IL1RAPL1: variants seen among roughly 807,000 people sequenced by gnomAD.
IL1RAPL1 encodes interleukin-1 receptor accessory protein-like 1.
Under a neutral mutation model 48.4 loss-of-function variants are expected in IL1RAPL1, and 3 were observed. The observed-to-expected ratio is 0.06, with a 90% confidence interval of 0.03 to 0.16. The LOEUF (loss-of-function observed/expected upper bound fraction) is 0.16, where lower values mean the gene tolerates loss of function less well. IL1RAPL1 is among the 10% of genes least tolerant of loss of function. The pLI, the probability that IL1RAPL1 is intolerant of heterozygous loss-of-function variation, is 1.00. For missense variants in IL1RAPL1, 349 were observed against 530.6 expected (o/e 0.66, Z 3.36); for synonymous variants, 185 against 187.7 (o/e 0.99, Z 0.12).
At chrX:29,281,775 A>G (rs753967900) in intron 2 of IL1RAPL1, among the ~76,000 whole-genome samples, 165 of 112,491 alleles carry the variant, frequency 1.5e-3, no homozygotes, top group African/African-American at 5.1e-3. Context: ...ATAGTAATGA[A>G]GGGATTGGCT....
chrX:28,672,578 C>G (rs1934958415), intron 1 of IL1RAPL1, among the ~76,000 whole-genome samples: 1 of 110,928 alleles, frequency 9.0e-6, no homozygotes, highest in African/African-American at 3.3e-5. Context: ...CCCTGGCACC[C>G]TATCTAACTT....
intron 6 of IL1RAPL1, among the ~76,000 whole-genome samples, chrX:29,669,627 A>G (rs1422776817): frequency 8.9e-6 from 1 of 111,824 alleles, no homozygotes; most frequent in Non-Finnish European, 1.9e-5. Flanking sequence ...AGCACTTGAA[A>G]TGCTTATATT....
chrX:29,564,462 T>A, intron 5 of IL1RAPL1, among the ~76,000 whole-genome samples: 1 of 112,901 alleles, frequency 8.9e-6, no homozygotes, highest in Non-Finnish European at 1.9e-5. Context: ...ACAGAGAAAA[T>A]TATCATGTTC....
At chrX:29,462,837 T>C (rs1231738042) in intron 5 of IL1RAPL1, among the ~76,000 whole-genome samples, 2 of 111,809 alleles carry the variant, frequency 1.8e-5, no homozygotes, top group African/African-American at 6.5e-5. Context: ...TGTCTGTCGG[T>C]ATTTGGGGGA....
At chrX:29,306,545 A>C (rs1456566157) in intron 3 of IL1RAPL1, among the ~76,000 whole-genome samples, 1 of 100,879 alleles carries the variant, frequency 9.9e-6, no homozygotes, top group African/African-American at 3.7e-5. Flanking sequence ...AAAAAAAAAA[A>C]AAAAAAAACG....
intron 2 of IL1RAPL1, among the ~76,000 whole-genome samples, chrX:29,039,132 T>C (rs1361342706): frequency 8.9e-6 from 1 of 111,763 alleles, no homozygotes; most frequent in African/African-American, 3.2e-5. Context: ...TTGTTCAATT[T>C]GTAATTGCAT....
At chrX:29,550,336 C>T (rs1460416352) in intron 5 of IL1RAPL1, among the ~76,000 whole-genome samples, 4 of 110,833 alleles carry the variant, frequency 3.6e-5, no homozygotes, top group Admixed American at 1.9e-4. Context: ...GGACTACAGG[C>T]GCCCGCCACC....
chrX:29,530,612 A>G (rs185958495), intron 5 of IL1RAPL1, among the ~76,000 whole-genome samples: 92 of 111,852 alleles, frequency 8.2e-4, no homozygotes, highest in Non-Finnish European at 1.5e-3. Context: ...ATCATATCAG[A>G]TTCCTTTAGG....
rs1457003356 is a variant in IL1RAPL1 at position 29,197,212 on chromosome X, A to T, written c.83-85726A>T. 2.7e-5 allele frequency among the ~76,000 whole-genome samples: 3 copies of T among 112,145 alleles called. No individual in the cohort carries two copies. In the East Asian group the frequency reaches 8.3e-4, roughly 31 times the overall value. ...TGAACAAAAAATTAAGTAGAATCTG[A>T]AAGTTATCATTCTTGCTTTCTACTT... On this transcript the variant is annotated intron_variant, in intron 2 of 10. Coordinates refer to ENST00000378993, the MANE Select transcript of IL1RAPL1 (RefSeq NM_014271.4).
intron 1 of IL1RAPL1, among the ~76,000 whole-genome samples, chrX:28,745,582 G>A (rs1935965335): frequency 1.8e-5 from 2 of 109,961 alleles, no homozygotes; most frequent in Admixed American, 2.0e-4. Flanking sequence ...CAGGAGGGCA[G>A]TTCAATTTGG....
intron 5 of IL1RAPL1, among the ~76,000 whole-genome samples, chrX:29,510,415 C>T (rs1476125700): frequency 1.8e-5 from 2 of 112,297 alleles, no homozygotes; most frequent in Non-Finnish European, 3.8e-5. Flanking sequence ...TCCAATGACA[C>T]ATTATTTTAA....
intron 2 of IL1RAPL1, among the ~76,000 whole-genome samples, chrX:29,266,111 A>C (rs1044398135): frequency 1.8e-5 from 2 of 111,172 alleles, no homozygotes; most frequent in East Asian, 5.7e-4. Flanking sequence ...CCATCCCATT[A>C]CTGGGTATAT....
intron 3 of IL1RAPL1, among the ~76,000 whole-genome samples, chrX:29,319,030 T>G (rs1329576138): frequency 9.0e-6 from 1 of 111,455 alleles, no homozygotes; most frequent in Non-Finnish European, 1.9e-5. Context: ...GATATTTTAC[T>G]TTTTCCACAT....
At chrX:29,837,212 G>A (rs1456230177) in intron 6 of IL1RAPL1, among the ~76,000 whole-genome samples, 3 of 96,603 alleles carry the variant, frequency 3.1e-5, no homozygotes, top group African/African-American at 1.2e-4. Context: ...GCATTGAGCC[G>A]AGTTCGCGCC....
chrX:29,096,097 G>A (rs923123869), intron 2 of IL1RAPL1, among the ~76,000 whole-genome samples: 2 of 111,232 alleles, frequency 1.8e-5, no homozygotes, highest in Non-Finnish European at 3.8e-5. Context: ...GGACTCACAC[G>A]TAAAATAGTC....
At chrX:29,379,039 A>G (rs187415881) in intron 3 of IL1RAPL1, among the ~76,000 whole-genome samples, 1 of 112,097 alleles carries the variant, frequency 8.9e-6, no homozygotes. Flanking sequence ...CCCCCACTAG[A>G]GTGTTGCATA....
intron 1 of IL1RAPL1, among the ~76,000 whole-genome samples, chrX:28,601,481 A>G (rs943659623): frequency 1.8e-5 from 2 of 111,084 alleles, no homozygotes; most frequent in African/African-American, 6.6e-5. Flanking sequence ...CTACCAAAAA[A>G]TTATCCATTA....
At chrX:29,432,369 A>G (rs757232488) in intron 5 of IL1RAPL1, among the ~76,000 whole-genome samples, 2 of 111,619 alleles carry the variant, frequency 1.8e-5, no homozygotes, top group East Asian at 5.6e-4. Flanking sequence ...TCATCAAGCA[A>G]GATAGTACCC....
intron 2 of IL1RAPL1, among the ~76,000 whole-genome samples, chrX:28,913,578 C>A (rs927349226): frequency 2.7e-5 from 3 of 111,143 alleles, no homozygotes; most frequent in African/African-American, 9.8e-5. Context: ...CGTAGGCCAA[C>A]TATTTGGAAG....
Sources: allele counts gnomAD v4.1 joint callset (sites outside exome capture counted in the v4.1 genomes callset), GRCh38; gene constraint gnomAD v4.1.1; transcripts MANE v1.5; gene names NCBI Gene and HGNC (gene_info 2026-07-23, HGNC 2026-07-21).